The following USP9Y variants were observed in gnomAD, a reference collection of about 807,000 sequenced individuals.
USP9Y encodes the protein ubiquitin carboxyl-terminal hydrolase 9Y.
USP9Y carries 41 observed loss-of-function variants against 53.1 expected under a neutral mutation model. The observed-to-expected ratio is 0.77, with a 90% confidence interval of 0.60 to 1.00. The LOEUF is 1.00. Ranked by LOEUF, USP9Y falls within the 50% of genes least tolerant of loss-of-function variation. The pLI, the probability that USP9Y is intolerant of heterozygous loss-of-function variation, is 0.00. For synonymous variants in USP9Y, 220 were observed against 173.7 expected, an observed-to-expected ratio of 1.27 and a Z score of -2.09; for missense variants, 567 against 535.8, an observed-to-expected ratio of 1.06 and a Z score of -0.58.
intron 29 of USP9Y, among the ~76,000 whole-genome samples, chrY:12,811,212 G>A (rs369721685): frequency 5.9e-5 from 2 of 33,709 alleles, no homozygotes; most frequent in Non-Finnish European, 1.5e-4. Context: ...AGTTCTATGA[G>A]AGTATATTTC....
At chrY:12,752,853 T>C (rs2053465319) in intron 12 of USP9Y, among the ~76,000 whole-genome samples, 1 of 33,928 alleles carries the variant, frequency 2.9e-5, no homozygotes, top group Admixed American at 2.6e-4. Flanking sequence ...GGAATAATGT[T>C]ATCTCCCCCT....
intron 42 of USP9Y, among the ~76,000 whole-genome samples, chrY:12,852,256 A>C: frequency 3.1e-5 from 1 of 32,156 alleles, no homozygotes; most frequent in East Asian, 8.0e-4. Flanking sequence ...TTCTTGTTTT[A>C]TTTCTTTCAT....
intron 14 of USP9Y, among the ~76,000 whole-genome samples, chrY:12,758,907 G>A: frequency 3.0e-5 from 1 of 33,481 alleles, no homozygotes; most frequent in African/African-American, 1.2e-4. Flanking sequence ...GTTCAGAATT[G>A]TCTCTGACTT....
At position 12,842,283 on chromosome Y, in the gene USP9Y, C is replaced by T; in HGVS notation, c.6256C>T (p.Arg2086Cys). Reference protein sequence around the residue: ...CVLLRHSKNVRFWFTHNVLFN... With the variant: ...CVLLRHSKNVCFWFTHNVLFN... ...TCTTCTCCGTCACAGCAAAAATGTA[C>T]GTTTTTGGTTTACTCATAATGTCCT... The change falls in exon 38 of 46, where the codon CGT becomes TGT. Residue 2086 changes from arginine to cysteine, a missense_variant. Arg to Cys is a radical substitution (Grantham distance 180, BLOSUM62 -3). Transcript: ENST00000338981. 1 of 398,238 alleles carries T rather than the reference C, an allele frequency of 2.5e-6. No homozygotes were observed. Among genetic ancestry groups the T allele is most frequent in the Non-Finnish European group, 3.5e-6 (1 of 283,291 alleles).
intron 3 of USP9Y, among the ~76,000 whole-genome samples, chrY:12,715,806 A>T (rs2053429922): frequency 3.0e-5 from 1 of 33,725 alleles, no homozygotes; most frequent in Non-Finnish European, 7.3e-5. Flanking sequence ...TATCCAGGTC[A>T]TGCAGTTTGC....
chrY:12,846,255 T>C (rs2053566125), intron 39 of USP9Y, 78 bp from the exon 40 acceptor site: 7 of 266,830 alleles, frequency 2.6e-5, no homozygotes, highest in Non-Finnish European at 4.0e-5. Context: ...AGAGCTATAA[T>C]AATTAATTTT....
Position 12,847,130 on chromosome Y carries a change from G to A in USP9Y, c.6952G>A (p.Val2318Ile). 2 of 398,295 alleles carry A rather than the reference G, an allele frequency of 5.0e-6. No individual in the cohort carries two copies. Among genetic ancestry groups the A allele is most frequent in the Non-Finnish European group, 7.1e-6 (2 of 283,110 alleles). ...GGAGAATCCTCAGTTCTCATCTACT[G>A]TCCTCAGCGAACTTCTCTGGCAGGT... ...SWENPQFSSTVLSELLWQVAY... is the reference protein window; with the variant it reads ...SWENPQFSSTILSELLWQVAY... Residue 2318 changes from valine to isoleucine, a missense_variant, in exon 41 of 46, where the codon GTC becomes ATC. Coordinates refer to ENST00000338981, the MANE Select transcript of USP9Y (RefSeq NM_004654.4).
At chrY:12,822,166 G>C in intron 33 of USP9Y, among the ~76,000 whole-genome samples, 1 of 33,255 alleles carries the variant, frequency 3.0e-5, no homozygotes. Context: ...AGCAATTTCT[G>C]TACTTTTTTG....
At chrY:12,853,407 C>T in intron 42 of USP9Y, among the ~76,000 whole-genome samples, 1 of 33,566 alleles carries the variant, frequency 3.0e-5, no homozygotes, top group Non-Finnish European at 7.4e-5. Context: ...AGTATTTGGG[C>T]GGAAGTATCC....
intron 33 of USP9Y, among the ~76,000 whole-genome samples, chrY:12,820,402 C>A (rs2053540333): frequency 3.0e-5 from 1 of 33,475 alleles, no homozygotes; most frequent in South Asian, 6.7e-4. Flanking sequence ...CTTATGGCAG[C>A]CACCCTTATA....
intron 42 of USP9Y, among the ~76,000 whole-genome samples, chrY:12,851,632 C>T (rs2148293113): frequency 6.8e-5 from 2 of 29,507 alleles, no homozygotes; most frequent in Admixed American, 3.2e-4. Context: ...TACAATTTGG[C>T]ATGTTTTTGC....
intron 12 of USP9Y, among the ~76,000 whole-genome samples, chrY:12,745,655 C>T: frequency 3.0e-5 from 1 of 33,841 alleles, no homozygotes; most frequent in African/African-American, 1.2e-4. Context: ...ACTGCACTGA[C>T]GCAAACAACC....
chrY:12,749,699 G>A (rs2053462664), intron 12 of USP9Y, among the ~76,000 whole-genome samples: 1 of 34,074 alleles, frequency 2.9e-5, no homozygotes, highest in African/African-American at 1.1e-4. Flanking sequence ...CATCTTTGTC[G>A]AAAATAAGTC....
intron 33 of USP9Y, among the ~76,000 whole-genome samples, chrY:12,824,433 AT>A (rs2053544381): frequency 3.0e-5 from 1 of 33,027 alleles, no homozygotes; most frequent in Non-Finnish European, 7.5e-5. Context: ...TGCTGGGGAA[AT>A]TGGATAAAAG....
chrY:12,778,807 T>C (rs763465668), intron 21 of USP9Y, 52 bp downstream of exon 21: 1 of 324,481 alleles, frequency 3.1e-6, no homozygotes, highest in Admixed American at 7.8e-5. Flanking sequence ...TAGTTCTTTT[T>C]CTGAGGAGCT....
Position 12,842,372 on chromosome Y carries a change from T to C in USP9Y, c.6345T>C (p.Gly2115=). 1 of 398,187 alleles carries C rather than the reference T, an allele frequency of 2.5e-6. No homozygotes were observed. Among genetic ancestry groups the C allele is most frequent in the Non-Finnish European group, 3.5e-6 (1 of 283,281 alleles). ...AGTGCCCTAGTGCAGAAGTGAGGGG[T>C]GCATTTGCAAAACTTATAGTGTTTA... ...LLECPSAEVR[G]AFAKLIVFIA... Residue 2115 remains glycine, a synonymous_variant, in exon 38 of 46, where the codon GGT becomes GGC. Coordinates refer to ENST00000338981, the MANE Select transcript of USP9Y (RefSeq NM_004654.4).
chrY:12,821,722 A>G, intron 33 of USP9Y, among the ~76,000 whole-genome samples: 1 of 28,967 alleles, frequency 3.5e-5, no homozygotes. Flanking sequence ...CAGCCTTTAC[A>G]TCCCGGGTTC....
At chrY:12,716,833 C>T (rs2053431252) in intron 3 of USP9Y, among the ~76,000 whole-genome samples, 1 of 33,382 alleles carries the variant, frequency 3.0e-5, no homozygotes, top group African/African-American at 1.2e-4. Flanking sequence ...TGGTCTTGAT[C>T]TCCCGACCTC....
intron 12 of USP9Y, among the ~76,000 whole-genome samples, chrY:12,756,765 T>G: frequency 2.1e-4 from 7 of 33,778 alleles, no homozygotes; most frequent in Admixed American, 1.3e-3. Context: ...AGGTTTTTGT[T>G]GTTTGGATTT....
Sources: gnomAD v4.1 joint callset for allele counts (sites outside exome capture counted in the v4.1 genomes callset) on GRCh38, gnomAD v4.1.1 for gene constraint, MANE v1.5 for transcripts, NCBI Gene and HGNC (gene_info 2026-07-23, HGNC 2026-07-21) for gene names.